The following LYVE1 variants were observed in gnomAD, a reference collection of about 807,000 sequenced individuals.
LYVE1 encodes lymphatic vessel endothelial hyaluronan receptor 1, also known as lymphatic vessel endothelial hyaluronic acid receptor 1.
In LYVE1, 29 loss-of-function variants were observed where a neutral mutation model predicts 31.5. The observed-to-expected ratio is 0.92, with a 90% CI of 0.69 to 1.26. The LOEUF is 1.26. Among genes scored for constraint, LYVE1 ranks in the 50% most tolerant of loss-of-function variants. The probability of loss-of-function intolerance (pLI) is 0.00; values close to 1 mark genes in which losing one functional copy is unlikely to be tolerated. For missense variants in LYVE1, 376 were observed against 380.2 expected (o/e 0.99, Z 0.09); for synonymous variants, 134 against 139.4 (o/e 0.96, Z 0.27).
rs566772274 is a variant in LYVE1, at chr11:10,558,416, A to G, written c.*695T>C. On this transcript the variant is annotated 3_prime_UTR_variant, in exon 6 of 6. Coordinates refer to ENST00000256178, the MANE Select transcript of LYVE1 (RefSeq NM_006691.4). ...AGCAGTGGTAGAGACCAGAAAAAGT[A>G]AGTGTGTGTGTTCTAAACAGTGATT... 1.3e-5 allele frequency: 2 copies of G among 152,224 alleles called. No individual in the cohort carries two copies. Among genetic ancestry groups the G allele is most frequent in the Non-Finnish European group, 1.5e-5 (1 of 68,038 alleles). The allele number at this position is 152,224 out of a possible 1,614,324, so 9.4% of individuals were successfully genotyped here. A position where few individuals can be genotyped will look rare whatever the true frequency, so the allele number is the denominator to read the frequency against.
intron 1 of LYVE1, 63 bp from the exon 2 acceptor site, chr11:10,564,437 C>G: frequency 6.7e-7 from 1 of 1,487,864 alleles, no homozygotes. Flanking sequence ...CTTAGACTCT[C>G]CTTCCCAGCA....
At chr11:10,560,454 AACAT>A in intron 4 of LYVE1, 37 bp downstream of exon 4, 1 of 1,504,792 alleles carries the variant, frequency 6.6e-7, no homozygotes, top group Non-Finnish European at 9.0e-7. Flanking sequence ...GTTATACATG[AACAT>A]ACATACACAC....
intron 1 of LYVE1, among the ~76,000 whole-genome samples, chr11:10,567,290 G>A (rs937970368): frequency 6.6e-6 from 1 of 152,062 alleles, no homozygotes; most frequent in African/African-American, 2.4e-5. Context: ...CTGACTTTTG[G>A]TTGTTTCCAA....
Position 10,558,164 on chromosome 11 carries a change from A to G in LYVE1, c.*947T>C, listed in dbSNP as rs368043929. The G allele has an allele frequency of 6.6e-6, 1 of 152,224 alleles. No homozygotes were observed. Among genetic ancestry groups the G allele is most frequent in the Non-Finnish European group, 1.5e-5 (1 of 68,040 alleles). 9.4% of individuals were successfully genotyped at this position (152,224 alleles called of 1,614,324 possible). ...ATAGCTTCCCAGATAGCGTTCTACT[A>G]TGTGCAATTTTTTGAGGAATAATAT... is the stretch of plus-strand genomic sequence containing the variant. On this transcript the variant is annotated 3_prime_UTR_variant, in exon 6 of 6. Transcript: ENST00000256178.
Position 10,560,768 on chromosome 11 carries a change from T to C in LYVE1, c.430A>G (p.Ile144Val), listed in dbSNP as rs1453799245. Reference protein sequence around the residue: ...TWTNSCIPEIITTKDPIFNTQ... With the variant: ...TWTNSCIPEIVTTKDPIFNTQ... ...TTGAATATGGGATCTTTGGTGGTGATAATTTCTGGAATGCACGAGTTAGTC... is the reference window on the plus strand; with the variant it reads ...TTGAATATGGGATCTTTGGTGGTGACAATTTCTGGAATGCACGAGTTAGTC... The change falls in exon 4 of 6, where the codon ATC (isoleucine) becomes GTC (valine). Residue 144 changes from isoleucine (I) to valine (V), a missense_variant. Coordinates refer to ENST00000256178, the MANE Select transcript of LYVE1 (RefSeq NM_006691.4). The C allele has an allele frequency of 3.7e-6, 6 of 1,612,804 alleles. No individual in the cohort carries two copies. In the South Asian group the frequency reaches 4.4e-5, roughly 12 times the overall value.
rs1199650061 is a variant in LYVE1, at chr11:10,558,828, C to T, written c.*283G>A. ...TTTTAGGTCCTTGCACTTTGCAAAA[C>T]TCCTTTCTCCCAGTGGGATATTATT... On this transcript the variant is annotated 3_prime_UTR_variant, in exon 6 of 6. Transcript: ENST00000256178. 5.7e-6 allele frequency: 2 copies of T among 353,002 alleles called. No homozygotes were observed. Among genetic ancestry groups the T allele is most frequent in the East Asian group, 4.6e-5 (1 of 21,644 alleles). 21.9% of individuals were successfully genotyped at this position (353,002 alleles called of 1,614,324 possible).
At chr11:10,559,358 T>G in intron 5 of LYVE1, 61 bp from the exon 6 acceptor site, 1 of 1,427,130 alleles carries the variant, frequency 7.0e-7, no homozygotes, top group Non-Finnish European at 9.7e-7. Flanking sequence ...AGATAACACT[T>G]TTTGGCCATG....
chr11:10,564,071 C>G lies in LYVE1; in HGVS notation c.266G>C (p.Trp89Ser). Residue 89 changes from tryptophan (W) to serine (S), a missense_variant, in exon 3 of 6, where the codon TGG becomes TCG. Coordinates refer to ENST00000256178, the MANE Select transcript of LYVE1 (RefSeq NM_006691.4). The stretch of plus-strand genomic sequence containing the variant: ...GATGACCACGAATCCATCTCCAACC[C>G]AGCCATAGCTGTAAAAGAATACACA... ...KASFETCSYG[W>S]VGDGFVVISR... 6.2e-7 allele frequency: 1 copy of G among 1,614,180 alleles called. No individual in the cohort carries two copies. The highest frequency in any genetic ancestry group is 8.5e-7 in the Non-Finnish European group (1 of 1,180,034).
chr11:10,557,728 T>C lies in LYVE1; in HGVS notation c.*1383A>G, dbSNP rs1487447168. 1 of 152,244 alleles carries C rather than the reference T, an allele frequency of 6.6e-6. No homozygotes were observed. Among genetic ancestry groups the C allele is most frequent in the African/African-American group, 2.4e-5 (1 of 41,466 alleles). The allele number at this position is 152,244 out of a possible 1,614,324, so 9.4% of individuals were successfully genotyped here. On this transcript the variant is annotated 3_prime_UTR_variant, in exon 6 of 6. Coordinates refer to ENST00000256178, the MANE Select transcript of LYVE1 (RefSeq NM_006691.4). ...AGCATGAATAGCCCCATATGATATA[T>C]GCTGTTTGGTTGACATATGCTTGTA...
chr11:10,558,980 C>CATCA lies in LYVE1; in HGVS notation c.*130_*131insTGAT. On this transcript the variant is annotated 3_prime_UTR_variant, in exon 6 of 6. Transcript: ENST00000256178. ...TCCATAGTCCAATGGCAGTCCTGAG[C>CATCA]TGATTCCAGTTAGGAACCAAGGGTG... is the stretch of plus-strand genomic sequence containing the variant. 1.3e-6 allele frequency: 1 copy of CATCA among 793,602 alleles called. No individual in the cohort carries two copies. Among genetic ancestry groups the CATCA allele is most frequent in the Non-Finnish European group, 2.1e-6 (1 of 481,306 alleles). The allele number at this position is 793,602 out of a possible 1,614,324, so 49.2% of individuals were successfully genotyped here.
At chr11:10,568,003 A>T (rs1850576483) in intron 1 of LYVE1, among the ~76,000 whole-genome samples, 1 of 151,996 alleles carries the variant, frequency 6.6e-6, no homozygotes, top group Non-Finnish European at 1.5e-5. Context: ...GAAATACTTA[A>T]AAAAAAATTA....
In LYVE1 at chr11:10,568,498, G is replaced by T; in HGVS notation, c.35C>A (p.Thr12Asn). The change falls in exon 1 of 6, where the codon ACT (threonine) becomes AAT (asparagine). Residue 12 changes from threonine to asparagine, a missense_variant. Coordinates refer to ENST00000256178, the MANE Select transcript of LYVE1 (RefSeq NM_006691.4). ...ARCFSLVLLLTSIWTTRLLVQ... is the reference protein window; with the variant it reads ...ARCFSLVLLLNSIWTTRLLVQ... ...CAGGAGCCTCGTGGTCCAGATGGAAGTGAGAAGCAACACCAGGCTGAAGCA... is the reference window on the plus strand; with the variant it reads ...CAGGAGCCTCGTGGTCCAGATGGAATTGAGAAGCAACACCAGGCTGAAGCA... 1 of 1,614,086 alleles carries T rather than the reference G, an allele frequency of 6.2e-7. No individual in the cohort carries two copies. The highest frequency in any genetic ancestry group is 8.5e-7 in the Non-Finnish European group (1 of 1,179,962).
intron 3 of LYVE1, among the ~76,000 whole-genome samples, chr11:10,561,055 C>T (rs1850415381): frequency 6.6e-6 from 1 of 152,220 alleles, no homozygotes; most frequent in Non-Finnish European, 1.5e-5. Context: ...TTGCCCCTGC[C>T]ATACTGAAAT....
rs369620188 is a variant in LYVE1, at chr11:10,565,573, G to A, written c.86-1199C>T. ...GTTTCTTTTTGAAAACATGGAAGGA[G>A]CATTTCTAAGTCCTCCATATGAACC... On this transcript the variant is annotated intron_variant, in intron 1 of 5. Coordinates refer to ENST00000256178, the MANE Select transcript of LYVE1 (RefSeq NM_006691.4). Among the ~76,000 whole-genome samples, 3 of 152,214 alleles carry A rather than the reference G, an allele frequency of 2.0e-5. No individual in the cohort carries two copies. In the South Asian group the frequency reaches 6.2e-4, roughly 31 times the overall value.
In LYVE1 at chr11:10,560,757, T is replaced by G; in HGVS notation, c.441A>C (p.Lys147Asn). The G allele has an allele frequency of 6.2e-7, 1 of 1,613,346 alleles. No homozygotes were observed. The highest frequency in any genetic ancestry group is 1.1e-5 in the South Asian group (1 of 91,052). ...NSCIPEIITT[K>N]DPIFNTQTAT... is the part of the protein sequence containing the mutation. The stretch of plus-strand genomic sequence containing the variant: ...CAGTTTGAGTGTTGAATATGGGATC[T>G]TTGGTGGTGATAATTTCTGGAATGC... Residue 147 changes from lysine to asparagine, a missense_variant, in exon 4 of 6, where the codon AAA becomes AAC. Physicochemically the swap from Lys to Asn is moderately conservative, Grantham distance 94. Coordinates refer to ENST00000256178, the MANE Select transcript of LYVE1 (RefSeq NM_006691.4).
Position 10,559,151 on chromosome 11 carries a change from G to C in LYVE1, c.929C>G (p.Pro310Arg), listed in dbSNP as rs1457007908. 3.1e-6 allele frequency: 5 copies of C among 1,613,906 alleles called. No homozygotes were observed. The highest frequency in any genetic ancestry group is 4.2e-6 in the Non-Finnish European group (5 of 1,179,914). ...TDKNPEESKSPSKTTVRCLEA... is the reference protein window; with the variant it reads ...TDKNPEESKSRSKTTVRCLEA... ...CAGGCATCGCACGGTAGTTTTGCTTGGACTCTTGGACTCTTCTGGGTTTTT... is the reference window on the plus strand; with the variant it reads ...CAGGCATCGCACGGTAGTTTTGCTTCGACTCTTGGACTCTTCTGGGTTTTT... Residue 310 changes from proline to arginine, a missense_variant, in exon 6 of 6, where the codon CCA becomes CGA. Transcript: ENST00000256178.
At position 10,558,872 on chromosome 11, in the gene LYVE1, A is replaced by G; in HGVS notation, c.*239T>C. On this transcript the variant is annotated 3_prime_UTR_variant, in exon 6 of 6. Coordinates refer to ENST00000256178, the MANE Select transcript of LYVE1 (RefSeq NM_006691.4). ...TATTATTAGGACATAGCCAGGCTAGAAAGGCCGTGGGAAGCTTTGGAGGTA... is the reference window on the plus strand; with the variant it reads ...TATTATTAGGACATAGCCAGGCTAGGAAGGCCGTGGGAAGCTTTGGAGGTA... 4 of 464,962 alleles carry G rather than the reference A, an allele frequency of 8.6e-6. No homozygotes were observed. The highest frequency in any genetic ancestry group is 1.5e-5 in the Non-Finnish European group (4 of 265,302). 28.8% of individuals were successfully genotyped at this position (464,962 alleles called of 1,614,324 possible). A position where few individuals can be genotyped will look rare whatever the true frequency, so the allele number is the denominator to read the frequency against.
chr11:10,568,422 G>A (rs369125162), intron 1 of LYVE1, 26 bp downstream of exon 1: 51 of 1,612,330 alleles, frequency 3.2e-5, no homozygotes, highest in Non-Finnish European at 4.2e-5. Flanking sequence ...CCTTGCTTCA[G>A]TTTGGAAATC....
intron 1 of LYVE1, 73 bp downstream of exon 1, chr11:10,568,375 A>C: frequency 6.7e-7 from 1 of 1,482,288 alleles, no homozygotes; most frequent in Non-Finnish European, 9.3e-7. Context: ...ATTCCCAGAA[A>C]TCCATAGTCA....
Sources: gnomAD v4.1 joint callset for allele counts (sites outside exome capture counted in the v4.1 genomes callset) on GRCh38, gnomAD v4.1.1 for gene constraint, MANE v1.5 for transcripts, NCBI Gene and HGNC (gene_info 2026-07-23, HGNC 2026-07-21) for gene names.